The following MSRA variants were observed in gnomAD, a reference collection of about 807,000 sequenced individuals.
MSRA encodes mitochondrial peptide methionine sulfoxide reductase.
Under a neutral mutation model 31.3 loss-of-function variants are expected in MSRA, and 54 were observed. The ratio of observed to expected loss-of-function variants is 1.73; its 90% confidence interval spans 1.39 to 2.17. The LOEUF is 2.17. Ranked by LOEUF, MSRA falls within the 30% of genes most tolerant of loss-of-function variation. The probability of loss-of-function intolerance (pLI) is 0.00; values close to 1 mark genes in which losing one functional copy is unlikely to be tolerated. For missense variants in MSRA, 507 were observed against 300.9 expected, an observed-to-expected ratio of 1.69 and a Z score of -5.07; for synonymous variants, 169 against 116.5, an observed-to-expected ratio of 1.45 and a Z score of -2.90.
chr8:10,309,626 G>T (rs985216817), intron 4 of MSRA, among the ~76,000 whole-genome samples: 1 of 152,180 alleles, frequency 6.6e-6, no homozygotes. Context: ...TTTGCCCCCC[G>T]TGGGCTGCAC....
At position 10,218,383 on chromosome 8, in the gene MSRA, G is replaced by A. The variant is rs374226019; in HGVS notation, c.211+10482G>A. Among the ~76,000 whole-genome samples the A allele has an allele frequency of 1.1e-3, 170 of 152,064 alleles. 1 individual carries two copies. The highest frequency in any genetic ancestry group is 3.7e-3 in the African/African-American group (155 of 41,476). ...TGGTGTCTAACTCCTGAACTCAGGC[G>A]ATCCACCCGTCTCAGCCTCCCAAAA... On this transcript the variant is annotated intron_variant, in intron 2 of 5. Transcript: ENST00000317173.
chr8:10,123,916 G>A (rs1801307610), intron 1 of MSRA, among the ~76,000 whole-genome samples: 1 of 151,466 alleles, frequency 6.6e-6, no homozygotes, highest in Non-Finnish European at 1.5e-5. Context: ...CCAGGCTAGA[G>A]TGCAGTGGTG....
Position 10,237,106 on chromosome 8 carries a change from A to G in MSRA, c.212-7998A>G, listed in dbSNP as rs540576983. Reference sequence around the variant, plus strand: ...AATCACCTGTTAAGTAATATTCTGAACTAGTTAATGCAGGTTTTCATTGTG... The same window carrying G: ...AATCACCTGTTAAGTAATATTCTGAGCTAGTTAATGCAGGTTTTCATTGTG... On this transcript the variant is annotated intron_variant, in intron 2 of 5. Coordinates refer to ENST00000317173, the MANE Select transcript of MSRA (RefSeq NM_012331.5). Among the ~76,000 whole-genome samples the G allele has an allele frequency of 9.8e-5, 15 of 152,350 alleles. No individual in the cohort carries two copies. In the South Asian group the frequency reaches 3.1e-3, roughly 32 times the overall value.
At chr8:10,297,365 C>T (rs1563322606) in intron 3 of MSRA, among the ~76,000 whole-genome samples, 1 of 152,174 alleles carries the variant, frequency 6.6e-6, no homozygotes, top group Non-Finnish European at 1.5e-5. Flanking sequence ...AACGTTAAAG[C>T]CCCCGTAATG....
chr8:10,216,276 A>C (rs1424206775), intron 2 of MSRA, among the ~76,000 whole-genome samples: 1 of 152,242 alleles, frequency 6.6e-6, no homozygotes, highest in African/African-American at 2.4e-5. Flanking sequence ...AAGTGAAATG[A>C]AATACACAAA....
At chr8:10,215,810 G>T (rs756766569) in intron 2 of MSRA, among the ~76,000 whole-genome samples, 1 of 152,132 alleles carries the variant, frequency 6.6e-6, no homozygotes, top group Non-Finnish European at 1.5e-5. Flanking sequence ...ACTTTTTGCA[G>T]TAGTGTACAG....
intron 1 of MSRA, among the ~76,000 whole-genome samples, chr8:10,140,947 C>T (rs1585015719): frequency 1.3e-5 from 2 of 152,056 alleles, no homozygotes; most frequent in African/African-American, 2.4e-5. Flanking sequence ...ACAGACAAAA[C>T]GAGCCATACA....
At chr8:10,143,324 A>T (rs1317614634) in intron 1 of MSRA, among the ~76,000 whole-genome samples, 2 of 152,172 alleles carry the variant, frequency 1.3e-5, no homozygotes, top group Non-Finnish European at 2.9e-5. Flanking sequence ...CTGGCATCTT[A>T]ATTTTAAGAG....
At chr8:10,097,553 A>G (rs1350269757) in intron 1 of MSRA, among the ~76,000 whole-genome samples, 1 of 152,214 alleles carries the variant, frequency 6.6e-6, no homozygotes, top group African/African-American at 2.4e-5. Flanking sequence ...TGACCGTCTT[A>G]TTGCCGATTT....
At chr8:10,089,232 C>T (rs1297432214) in intron 1 of MSRA, among the ~76,000 whole-genome samples, 5 of 152,058 alleles carry the variant, frequency 3.3e-5, no homozygotes, top group Admixed American at 6.6e-5. Context: ...ATATGCATCC[C>T]GTATCATCAC....
intron 2 of MSRA, among the ~76,000 whole-genome samples, chr8:10,221,191 A>G (rs1023340914): frequency 1.1e-4 from 16 of 152,190 alleles, no homozygotes; most frequent in African/African-American, 3.9e-4. Context: ...CTGCCAAGAC[A>G]TAGGTCTGCA....
At chr8:10,230,767 C>A (rs903334810) in intron 2 of MSRA, among the ~76,000 whole-genome samples, 5 of 152,050 alleles carry the variant, frequency 3.3e-5, no homozygotes, top group Non-Finnish European at 7.4e-5. Context: ...TGCATCTTAC[C>A]TATTTGTGGG....
chr8:10,192,839 G>A (rs1807628707), intron 1 of MSRA, among the ~76,000 whole-genome samples: 1 of 148,698 alleles, frequency 6.7e-6, no homozygotes, highest in Non-Finnish European at 1.5e-5. Flanking sequence ...TTCTGGGCAA[G>A]TTTACCACCG....
chr8:10,218,262 C>T (rs1810181352), intron 2 of MSRA, among the ~76,000 whole-genome samples: 1 of 151,974 alleles, frequency 6.6e-6, no homozygotes, highest in African/African-American at 2.4e-5. Context: ...TTCTTTTCCT[C>T]AGCCTCCTGA....
chr8:10,406,091 C>T (rs1807798496), intron 5 of MSRA, among the ~76,000 whole-genome samples: 1 of 152,260 alleles, frequency 6.6e-6, no homozygotes, highest in African/African-American at 2.4e-5. Context: ...GAGTTTATTT[C>T]CTGCTCTTTC....
chr8:10,122,778 C>T (rs1175784943), intron 1 of MSRA, among the ~76,000 whole-genome samples: 1 of 152,134 alleles, frequency 6.6e-6, no homozygotes, highest in East Asian at 1.9e-4. Flanking sequence ...TAAGTAAAAA[C>T]ATGAGGTATT....
intron 5 of MSRA, among the ~76,000 whole-genome samples, chr8:10,398,957 C>T (rs975805601): frequency 1.3e-5 from 2 of 152,146 alleles, no homozygotes; most frequent in Non-Finnish European, 2.9e-5. Flanking sequence ...ATGCAGCTTC[C>T]ACTTGAGTGG....
At chr8:10,343,766 G>A (rs1383146551) in intron 5 of MSRA, among the ~76,000 whole-genome samples, 1 of 152,132 alleles carries the variant, frequency 6.6e-6, no homozygotes, top group Non-Finnish European at 1.5e-5. Context: ...GACTTCATAT[G>A]CAAACAGCAA....
intron 1 of MSRA, among the ~76,000 whole-genome samples, chr8:10,069,976 C>T (rs1046924571): frequency 3.9e-5 from 6 of 152,174 alleles, no homozygotes; most frequent in African/African-American, 1.4e-4. Flanking sequence ...TTAATCACAG[C>T]ACGTGGTATG....
Sources: gnomAD v4.1 joint callset for allele counts (sites outside exome capture counted in the v4.1 genomes callset) on GRCh38, gnomAD v4.1.1 for gene constraint, MANE v1.5 for transcripts, NCBI Gene and HGNC (gene_info 2026-07-23, HGNC 2026-07-21) for gene names.